Variants in ADGRF5 observed in about 807,000 individuals in gnomAD.
The protein encoded by ADGRF5 is G-protein coupled receptor 116.
A neutral mutation model predicts 132.3 loss-of-function variants in ADGRF5; 75 were observed. The ratio of observed to expected loss-of-function variants is 0.57; its 90% CI spans 0.47 to 0.69. ADGRF5 has a LOEUF of 0.69. ADGRF5 is among the 30% of genes least tolerant of loss of function. The pLI, the probability that ADGRF5 is intolerant of heterozygous loss-of-function variation, is 0.00. For synonymous variants in ADGRF5, 629 were observed against 597.6 expected, an observed-to-expected ratio of 1.05 and a Z score of -0.77; for missense variants, 1,516 against 1,630.6, an observed-to-expected ratio of 0.93 and a Z score of 1.21.
chr6:46,932,046 AAT>A (rs1451722621), intron 1 of ADGRF5, among the ~76,000 whole-genome samples: 1 of 152,260 alleles, frequency 6.6e-6, no homozygotes, highest in Non-Finnish European at 1.5e-5. Flanking sequence ...CACAAAACAG[AAT>A]ATATAAGATA....
chr6:46,945,991 C>T (rs1778288955), intron 1 of ADGRF5, among the ~76,000 whole-genome samples: 1 of 152,170 alleles, frequency 6.6e-6, no homozygotes, highest in Admixed American at 6.5e-5. Context: ...ATATCTCTAC[C>T]TGGTCCCAAC....
At chr6:46,918,002 G>C (rs1776575840) in intron 1 of ADGRF5, among the ~76,000 whole-genome samples, 1 of 152,216 alleles carries the variant, frequency 6.6e-6, no homozygotes. Context: ...AAGGTTCTTT[G>C]CCTTTGCAAT....
chr6:46,928,623 C>T (rs1418768416), intron 1 of ADGRF5, among the ~76,000 whole-genome samples: 1 of 152,110 alleles, frequency 6.6e-6, no homozygotes, highest in African/African-American at 2.4e-5. Flanking sequence ...CAAACATATT[C>T]CACCCCTCAC....
At chr6:46,925,188 C>T (rs537664739), upstream of ADGRF5, among the ~76,000 whole-genome samples, 1 of 152,326 alleles carries the variant, frequency 6.6e-6, no homozygotes, top group East Asian at 1.9e-4. Context: ...CCTTGCAGAC[C>T]AGGCAGTCTT....
chr6:46,877,327 T>C (rs992371695), intron 10 of ADGRF5, among the ~76,000 whole-genome samples: 57 of 5,488 alleles, frequency 0.01, no homozygotes, highest in East Asian at 0.022. Context: ...CCTTCCTTCT[T>C]TCTTTCTTTC....
chr6:46,942,946 G>T (rs1350116766), intron 1 of ADGRF5, among the ~76,000 whole-genome samples: 7 of 152,100 alleles, frequency 4.6e-5, no homozygotes, highest in Admixed American at 1.3e-4. Flanking sequence ...AATGGACCTA[G>T]TGCATATCAG....
chr6:46,867,149 A>G lies in ADGRF5; in HGVS notation c.1622-12T>C. On this transcript the variant is annotated splice_polypyrimidine_tract_variant and intron_variant, in intron 12 of 20. Coordinates refer to ENST00000283296, the MANE Select transcript of ADGRF5 (RefSeq NM_001098518.2). ...GCAGTGATAGGTTCCTGAGTAGAAG[A>G]CGGCAAAAATGAGATGGAATGGAAA... 3.5e-6 allele frequency: 5 copies of G among 1,439,914 alleles called. No homozygotes were observed. The highest frequency in any genetic ancestry group is 4.8e-6 in the Non-Finnish European group (5 of 1,042,166). 89.2% of individuals were successfully genotyped at this position (1,439,914 alleles called of 1,614,324 possible).
rs1392650681 is a variant in ADGRF5 at position 46,858,927 on chromosome 6, T to C, written c.2976A>G (p.Ser992=). The stretch of plus-strand genomic sequence containing the variant: ...AGTCAGGGGACATGAGGATGGAGAA[T>C]GATGTTAGGTGGTCACAGATACAGG... ...NVTCICDHLT[S]FSILMSPDSP... The change falls in exon 17 of 21, where the codon TCA becomes TCG. Residue 992 remains serine, a synonymous_variant. Transcript: ENST00000283296. The C allele has an allele frequency of 2.5e-6, 4 of 1,613,826 alleles. No individual in the cohort carries two copies. Among genetic ancestry groups the C allele is most frequent in the Non-Finnish European group, 8.5e-7 (1 of 1,179,888 alleles).
At chr6:46,865,313 C>T (rs1770293350) in intron 13 of ADGRF5, 116 bp from the exon 14 acceptor site, 1 of 703,462 alleles carries the variant, frequency 1.4e-6, no homozygotes, top group Admixed American at 3.0e-5. Context: ...GAATGTGCCA[C>T]ATTCATTTTT....
At chr6:46,928,891 C>G (rs539564978) in intron 1 of ADGRF5, among the ~76,000 whole-genome samples, 5 of 152,100 alleles carry the variant, frequency 3.3e-5, no homozygotes, top group South Asian at 4.1e-4. Context: ...TACACTGTTG[C>G]TGGGACTGTA....
rs148450798 is a variant in ADGRF5, at chr6:46,879,830, G to A, written c.1024C>T (p.Pro342Ser). ...VSKLTIHNIT[P>S]GDAGEYVCKL... Reference sequence around the variant, plus strand: ...AATGGAGACCTACCTGCATCACCTGGAGTGATGTTGTGGATGGTGAGCTTG... The same window carrying A: ...AATGGAGACCTACCTGCATCACCTGAAGTGATGTTGTGGATGGTGAGCTTG... The change falls in exon 9 of 21, where the codon CCA (proline) becomes TCA (serine). Residue 342 changes from proline to serine, a missense_variant. This residue lies in a region of ADGRF5 where 945 missense variants were observed against 929.4 expected (regional missense o/e 1.02). Transcript: ENST00000283296. 2.2e-4 allele frequency: 350 copies of A among 1,604,286 alleles called. No homozygotes were observed. Among genetic ancestry groups the A allele is most frequent in the Middle Eastern group, 6.6e-4 (4 of 6,048 alleles).
Position 46,877,225 on chromosome 6 carries a change from CTCTTTCTT to C in ADGRF5, c.1240+969_1240+976del, listed in dbSNP as rs71536391. ...TTTGGTGAGTCCTAATTTATTTCCT[CTCTTTCTT>C]TCTTTCTTTCTTTCTTTCTTTCTTT... On this transcript the variant is annotated intron_variant, in intron 10 of 20. Coordinates refer to ENST00000283296, the MANE Select transcript of ADGRF5 (RefSeq NM_001098518.2). Among the ~76,000 whole-genome samples, 807 of 131,730 alleles carry C rather than the reference CTCTTTCTT, an allele frequency of 6.1e-3. 14 individuals carry two copies. Among genetic ancestry groups the C allele is most frequent in the East Asian group, 0.011 (46 of 4,178 alleles). 86.4% of individuals were successfully genotyped at this position (131,730 alleles called of 152,430 possible). A position where few individuals can be genotyped will look rare whatever the true frequency, so the allele number is the denominator to read the frequency against.
intron 2 of ADGRF5, among the ~76,000 whole-genome samples, chr6:46,903,102 T>A (rs533342747): frequency 2.6e-5 from 4 of 152,338 alleles, no homozygotes; most frequent in African/African-American, 9.6e-5. Context: ...TGGGGCTCAC[T>A]GGGGACCAGC....
At position 46,888,219 on chromosome 6, in the gene ADGRF5, C is replaced by T. The variant is rs187374817; in HGVS notation, c.328+116G>A. Reference sequence around the variant, plus strand: ...AAGTCACAGAATCACACATCCGTCTCGGTGAGTCATTTCACTTGCCTACTA... The same window carrying T: ...AAGTCACAGAATCACACATCCGTCTTGGTGAGTCATTTCACTTGCCTACTA... On this transcript the variant is annotated intron_variant, in intron 4 of 20. Coordinates refer to ENST00000283296, the MANE Select transcript of ADGRF5 (RefSeq NM_001098518.2). 8.6e-4 allele frequency: 613 copies of T among 710,138 alleles called. 3 individuals carry two copies. In the African/African-American group the frequency reaches 9.3e-3, roughly 11 times the overall value. 44.0% of individuals were successfully genotyped at this position (710,138 alleles called of 1,614,324 possible).
intron 1 of ADGRF5, among the ~76,000 whole-genome samples, chr6:46,953,608 C>T (rs1778579339): frequency 9.9e-6 from 1 of 101,002 alleles, no homozygotes; most frequent in Non-Finnish European, 2.0e-5. Context: ...CAGAGTGAGA[C>T]ACAGTCTCAG....
chr6:46,912,697 A>G (rs928194641), intron 1 of ADGRF5, among the ~76,000 whole-genome samples: 1 of 152,198 alleles, frequency 6.6e-6, no homozygotes, highest in African/African-American at 2.4e-5. Context: ...CTAATTAGGG[A>G]AAAAGAATCA....
Position 46,878,525 on chromosome 6 carries a change from G to A in ADGRF5, c.1037-120C>T. The A allele has an allele frequency of 1.0e-5, 7 of 680,414 alleles. No individual in the cohort carries two copies. In the South Asian group the frequency reaches 1.3e-4, roughly 13 times the overall value. 42.1% of individuals were successfully genotyped at this position (680,414 alleles called of 1,614,324 possible). On this transcript the variant is annotated intron_variant, in intron 9 of 20. Transcript: ENST00000283296. The stretch of plus-strand genomic sequence containing the variant: ...TGAAGTATCATTTTCAAAAGCATCT[G>A]AGACTTGGTCTAAAGACGCCTAAAA...
chr6:46,888,774 T>C (rs1412146099), intron 3 of ADGRF5, among the ~76,000 whole-genome samples: 1 of 152,148 alleles, frequency 6.6e-6, no homozygotes, highest in African/African-American at 2.4e-5. Flanking sequence ...GTCTGGGAAC[T>C]GTTCGGGCAA....
rs772228604 is a variant in ADGRF5, at chr6:46,858,667, T to G, written c.3236A>C (p.Tyr1079Ser). The G allele has an allele frequency of 1.2e-6, 2 of 1,614,080 alleles. No individual in the cohort carries two copies. The highest frequency in any genetic ancestry group is 1.3e-5 in the African/African-American group (1 of 75,000). ...CACACAGGCTGTCTTGCAGAGTATG[T>G]AGCGATTGTCCTGGATGGCAGCGAC... ...IVVAAIQDNR[Y>S]ILCKTACVAA... Residue 1079 changes from tyrosine to serine, a missense_variant, in exon 17 of 21, where the codon TAC (tyrosine) becomes TCC (serine). Coordinates refer to ENST00000283296, the MANE Select transcript of ADGRF5 (RefSeq NM_001098518.2).
Sources: allele counts gnomAD v4.1 joint callset (sites outside exome capture counted in the v4.1 genomes callset), GRCh38; gene constraint gnomAD v4.1.1; regional missense constraint gnomAD v4.1.1; transcripts MANE v1.5; gene names NCBI Gene and HGNC (gene_info 2026-07-23, HGNC 2026-07-21).